LIPC: variants seen among roughly 807,000 people sequenced by gnomAD.
LIPC encodes the protein hepatic triacylglycerol lipase.
A neutral mutation model predicts 50.7 loss-of-function variants in LIPC; 44 were observed. The observed-to-expected ratio is 0.87, with a 90% CI of 0.68 to 1.11. The LOEUF is 1.11. Ranked by LOEUF, LIPC falls within the 50% of genes most tolerant of loss-of-function variation. The probability of loss-of-function intolerance (pLI) is 0.00; values close to 1 mark genes in which losing one functional copy is unlikely to be tolerated. For missense variants in LIPC, 697 were observed against 648.2 expected, an observed-to-expected ratio of 1.08 and a Z score of -0.82; for synonymous variants, 271 against 256.4, an observed-to-expected ratio of 1.06 and a Z score of -0.54.
intron 6 of LIPC, among the ~76,000 whole-genome samples, chr15:58,553,144 G>C (rs1464060141): frequency 4.6e-5 from 7 of 152,176 alleles, no homozygotes; most frequent in African/African-American, 1.7e-4. Flanking sequence ...GCATCAGAGA[G>C]GACTCAAACC....
intron 1 of LIPC, among the ~76,000 whole-genome samples, chr15:58,452,523 C>T (rs1408037574): frequency 2.6e-5 from 4 of 152,240 alleles, no homozygotes; most frequent in Non-Finnish European, 5.9e-5. Context: ...TTTATAGCAT[C>T]CTGGGCAGAT....
At chr15:58,566,033 C>T in intron 8 of LIPC, 2 of 984,584 alleles carry the variant, frequency 2.0e-6, no homozygotes, top group Non-Finnish European at 2.4e-6. Flanking sequence ...GCTTCTCAAA[C>T]TTTCACGAGC....
chr15:58,513,959 A>T (rs1276615812), intron 1 of LIPC, among the ~76,000 whole-genome samples: 1 of 152,252 alleles, frequency 6.6e-6, no homozygotes, highest in Non-Finnish European at 1.5e-5. Flanking sequence ...GCCATAATGC[A>T]GAATTAGTAG....
At chr15:58,442,857 T>G (rs1267221354) in intron 1 of LIPC, among the ~76,000 whole-genome samples, 1 of 152,208 alleles carries the variant, frequency 6.6e-6, no homozygotes, top group Non-Finnish European at 1.5e-5. Context: ...GTGGTTCTGG[T>G]GTCCCTCTCA....
intron 1 of LIPC, among the ~76,000 whole-genome samples, chr15:58,447,988 A>G (rs2140663395): frequency 6.6e-6 from 1 of 152,334 alleles, no homozygotes; most frequent in Non-Finnish European, 1.5e-5. Context: ...TACTACGTCT[A>G]GCATTTTGCT....
intron 1 of LIPC, among the ~76,000 whole-genome samples, chr15:58,446,007 A>G (rs1893682906): frequency 6.6e-6 from 1 of 152,224 alleles, no homozygotes; most frequent in South Asian, 2.1e-4. Context: ...ATGAATTTCC[A>G]TATTCCCTCC....
Position 58,540,770 on chromosome 15 carries a change from C to T in LIPC, c.274-1015C>T, listed in dbSNP as rs970818788. 2.0e-5 allele frequency among the ~76,000 whole-genome samples: 3 copies of T among 152,256 alleles called. No homozygotes were observed. The East Asian group carries it at 5.8e-4, about 29-fold the overall frequency. Reference sequence around the variant, plus strand: ...TGGGATGCCCTAGACCTCACCACTACCACATTCACCTGCCCACCTGTATTC... The same window carrying T: ...TGGGATGCCCTAGACCTCACCACTATCACATTCACCTGCCCACCTGTATTC... On this transcript the variant is annotated intron_variant, in intron 2 of 8. Coordinates refer to ENST00000299022, the MANE Select transcript of LIPC (RefSeq NM_000236.3).
At chr15:58,455,376 G>T (rs1392049280) in intron 1 of LIPC, among the ~76,000 whole-genome samples, 1 of 152,046 alleles carries the variant, frequency 6.6e-6, no homozygotes, top group African/African-American at 2.4e-5. Flanking sequence ...AAAACACATG[G>T]TGCACCAGAT....
chr15:58,501,784 A>G (rs1891994275), intron 1 of LIPC, among the ~76,000 whole-genome samples: 1 of 152,090 alleles, frequency 6.6e-6, no homozygotes, highest in South Asian at 2.1e-4. Context: ...TCTTACCCTA[A>G]CCCAGTTCAT....
At chr15:58,509,291 A>C (rs1475210414) in intron 1 of LIPC, among the ~76,000 whole-genome samples, 1 of 152,174 alleles carries the variant, frequency 6.6e-6, no homozygotes, top group Non-Finnish European at 1.5e-5. Flanking sequence ...CAGTCTTCCT[A>C]AATGTTCATT....
rs553409277 is a variant in LIPC at position 58,549,503 on chromosome 15, G to A, written c.1051+931G>A. ...TTCTCCCAACAGCCAGGCGAGGATG[G>A]CAGGGCTGGTTATTATCCCATTCTA... is the stretch of plus-strand genomic sequence containing the variant. On this transcript the variant is annotated intron_variant, in intron 6 of 8. Coordinates refer to ENST00000299022, the MANE Select transcript of LIPC (RefSeq NM_000236.3). 5.7e-4 allele frequency among the ~76,000 whole-genome samples: 87 copies of A among 152,338 alleles called. 1 individual carries two copies. The South Asian group carries it at 0.016, about 28-fold the overall frequency.
intron 1 of LIPC, among the ~76,000 whole-genome samples, chr15:58,498,405 T>C (rs1891851443): frequency 1.3e-5 from 2 of 152,066 alleles, no homozygotes; most frequent in South Asian, 2.1e-4. Context: ...GCGTTATCAA[T>C]AGGGGCCATA....
rs1893326814 is a variant in LIPC, at chr15:58,541,637, G to T, written c.274-148G>T. ...TGCCCAAGACAGCCCCCACAACAAG[G>T]AATTCTCTGGCCCAAAATGTCAACT... On this transcript the variant is annotated intron_variant, in intron 2 of 8. Transcript: ENST00000299022. 16 of 811,068 alleles carry T rather than the reference G, an allele frequency of 2.0e-5. No individual in the cohort carries two copies. In the South Asian group the frequency reaches 2.4e-4, roughly 12 times the overall value. The allele number at this position is 811,068 out of a possible 1,614,324, so 50.2% of individuals were successfully genotyped here.
intron 1 of LIPC, among the ~76,000 whole-genome samples, chr15:58,475,750 T>C (rs546771345): frequency 1.3e-5 from 2 of 152,318 alleles, no homozygotes; most frequent in East Asian, 3.9e-4. Flanking sequence ...AGAGATTACA[T>C]GAGCCAAGTC....
chr15:58,454,173 A>G (rs1471824187), intron 1 of LIPC, among the ~76,000 whole-genome samples: 1 of 152,202 alleles, frequency 6.6e-6, no homozygotes, highest in Non-Finnish European at 1.5e-5. Flanking sequence ...CCTCAGCCAC[A>G]CTTGTCTTCC....
chr15:58,441,111 G>T (rs901787764), intron 1 of LIPC, among the ~76,000 whole-genome samples: 2 of 152,170 alleles, frequency 1.3e-5, no homozygotes, highest in Non-Finnish European at 2.9e-5. Context: ...TTCCCAGCAG[G>T]CAAGGGCAGG....
intron 5 of LIPC, among the ~76,000 whole-genome samples, chr15:58,547,632 TA>T (rs60995762): frequency 0.027 from 3,768 of 140,828 alleles, 61 homozygotes; most frequent in East Asian, 0.11. Flanking sequence ...TTTGGAGAGT[TA>T]AAAAAAAAAA....
At chr15:58,490,446 C>T (rs1417804351) in intron 1 of LIPC, among the ~76,000 whole-genome samples, 3 of 152,156 alleles carry the variant, frequency 2.0e-5, no homozygotes, top group Admixed American at 2.0e-4. Context: ...GTGGGTGAAA[C>T]GGCATCACCA....
At chr15:58,447,113 C>T (rs1298767556) in intron 1 of LIPC, among the ~76,000 whole-genome samples, 1 of 136,008 alleles carries the variant, frequency 7.4e-6, no homozygotes. Flanking sequence ...TGCGCCACTG[C>T]ACCCAGCCTG....
Sources: allele counts gnomAD v4.1 joint callset (sites outside exome capture counted in the v4.1 genomes callset), GRCh38; gene constraint gnomAD v4.1.1; transcripts MANE v1.5; gene names NCBI Gene and HGNC (gene_info 2026-07-23, HGNC 2026-07-21).